The following MSH4 variants were observed in gnomAD, a reference collection of about 807,000 sequenced individuals.
MSH4 encodes the protein mutS homolog 4.
A neutral mutation model predicts 113.7 loss-of-function variants in MSH4; 106 were observed. The observed-to-expected ratio is 0.93, with a 90% CI of 0.80 to 1.10. The LOEUF (loss-of-function observed/expected upper bound fraction) is 1.10. Among genes scored for constraint, MSH4 ranks in the 50% least tolerant of loss-of-function variants. The probability of loss-of-function intolerance (pLI) is 0.00; values close to 1 mark genes in which losing one functional copy is unlikely to be tolerated. For missense variants in MSH4, 1,061 were observed against 1,093.7 expected (o/e 0.97, Z 0.42); for synonymous variants, 368 against 380.2 (o/e 0.97, Z 0.37).
intron 15 of MSH4, among the ~76,000 whole-genome samples, 167 bp downstream of exon 15, chr1:75,883,988 A>G (rs1350133336): frequency 2.0e-4 from 30 of 152,172 alleles, no homozygotes; most frequent in Non-Finnish European, 4.4e-5. Flanking sequence ...TAACTTTACT[A>G]TTTGATATTT....
intron 5 of MSH4, among the ~76,000 whole-genome samples, chr1:75,815,522 G>A (rs1650276223): frequency 6.6e-6 from 1 of 152,156 alleles, no homozygotes. Flanking sequence ...AGGTAAAGCT[G>A]TGTTCCTGTT....
intron 1 of MSH4, among the ~76,000 whole-genome samples, chr1:75,798,732 T>A (rs1008587057): frequency 6.6e-6 from 1 of 151,790 alleles, no homozygotes; most frequent in African/African-American, 2.4e-5. Flanking sequence ...ATTTAAAAAA[T>A]TTTTTTGTAG....
chr1:75,896,319 A>G (rs1350050348), intron 17 of MSH4, among the ~76,000 whole-genome samples: 2 of 149,218 alleles, frequency 1.3e-5, no homozygotes, highest in Non-Finnish European at 1.5e-5. Flanking sequence ...AGCCAATTCC[A>G]TATAATAAAT....
rs1649821076 is a variant in MSH4, at chr1:75,796,901, T to C, written c.-85T>C. 1 of 1,577,320 alleles carries C rather than the reference T, an allele frequency of 6.3e-7. No individual in the cohort carries two copies. Among genetic ancestry groups the C allele is most frequent in the East Asian group, 2.2e-5 (1 of 44,532 alleles). On this transcript the variant is annotated 5_prime_UTR_variant, in exon 1 of 20. Transcript: ENST00000263187. ...GTCGGCGCGCAGTTCTCCCGCCCGT[T>C]TCAGCGGCGCAGCTTCTGTAGTTGG...
chr1:75,801,545 G>A (rs564745845), intron 1 of MSH4, among the ~76,000 whole-genome samples: 251 of 147,946 alleles, frequency 1.7e-3, no homozygotes, highest in African/African-American at 5.9e-3. Flanking sequence ...TCTAGCCTGG[G>A]CAACAAGAGT....
At chr1:75,832,032 C>G (rs1035809409) in intron 7 of MSH4, among the ~76,000 whole-genome samples, 7 of 151,942 alleles carry the variant, frequency 4.6e-5, no homozygotes, top group African/African-American at 1.7e-4. Flanking sequence ...AATTGATAGA[C>G]CACTAGCAAG....
rs1219307777 is a variant in MSH4, at chr1:75,817,813, T to G, written c.989+1267T>G. 2.0e-5 allele frequency among the ~76,000 whole-genome samples: 3 copies of G among 151,836 alleles called. No individual in the cohort carries two copies. In the East Asian group the frequency reaches 5.8e-4, roughly 29 times the overall value. ...AGTTCTCAAAAAAAAAAAATGTACA[T>G]GTGATGGGAGACACCCCCCCTCCCC... On this transcript the variant is annotated intron_variant, in intron 6 of 19. Coordinates refer to ENST00000263187, the MANE Select transcript of MSH4 (RefSeq NM_002440.4).
chr1:75,886,591 T>A (rs1448114109), intron 15 of MSH4, among the ~76,000 whole-genome samples: 1 of 124,084 alleles, frequency 8.1e-6, no homozygotes, highest in African/African-American at 3.2e-5. Context: ...TAATATATAA[T>A]GTATTATATA....
chr1:75,814,933 C>A (rs1050158742), intron 4 of MSH4, 88 bp from the exon 5 acceptor site: 3 of 681,144 alleles, frequency 4.4e-6, no homozygotes, highest in Middle Eastern at 2.7e-4. Context: ...AATATTTAAG[C>A]CACTTACCTA....
rs181900341 is a variant in MSH4 at position 75,863,619 on chromosome 1, G to A, written c.1231-3895G>A. 6.8e-4 allele frequency among the ~76,000 whole-genome samples: 104 copies of A among 152,166 alleles called. 1 individual carries two copies. The highest frequency in any genetic ancestry group is 2.3e-3 in the African/African-American group (96 of 41,528). ...AATCTTCGCCTCACCACTCCACTGGGAGGATTATCTGTAATTTGTGTATCT... is the reference window on the plus strand; with the variant it reads ...AATCTTCGCCTCACCACTCCACTGGAAGGATTATCTGTAATTTGTGTATCT... On this transcript the variant is annotated intron_variant, in intron 8 of 19. Transcript: ENST00000263187.
rs374831215 is a variant in MSH4 at position 75,860,178 on chromosome 1, C to A, written c.1231-7336C>A. ...TGTCTTTGCATGTGTGATGGGTCTC[C>A]TGAATACAGCATGCTGATGGGTCTT... On this transcript the variant is annotated intron_variant, in intron 8 of 19. Coordinates refer to ENST00000263187, the MANE Select transcript of MSH4 (RefSeq NM_002440.4). 3.9e-5 allele frequency among the ~76,000 whole-genome samples: 6 copies of A among 152,216 alleles called. No individual in the cohort carries two copies. In the East Asian group the frequency reaches 1.2e-3, roughly 29 times the overall value.
chr1:75,901,072 G>T (rs1652495397), intron 19 of MSH4, among the ~76,000 whole-genome samples: 1 of 151,944 alleles, frequency 6.6e-6, no homozygotes. Context: ...GGCTACATGT[G>T]ATATTTTGAT....
At chr1:75,912,449 G>A (rs981125966) in intron 19 of MSH4, among the ~76,000 whole-genome samples, 1 of 151,946 alleles carries the variant, frequency 6.6e-6, no homozygotes, top group African/African-American at 2.4e-5. Flanking sequence ...GTGATTTCAA[G>A]AACATAAGAT....
intron 3 of MSH4, among the ~76,000 whole-genome samples, chr1:75,808,016 A>T (rs960962288): frequency 2.6e-5 from 4 of 152,226 alleles, no homozygotes; most frequent in Admixed American, 1.3e-4. Flanking sequence ...GTGTGTAAGC[A>T]TTGTGCATAT....
chr1:75,821,022 C>T (rs1475928058), intron 6 of MSH4, among the ~76,000 whole-genome samples: 1 of 151,900 alleles, frequency 6.6e-6, no homozygotes, highest in Non-Finnish European at 1.5e-5. Context: ...CAAGGATATC[C>T]AGGAACTGAA....
rs370614171 is a variant in MSH4 at position 75,890,830 on chromosome 1, C to A, written c.2355+6C>A. On this transcript the variant is annotated splice_donor_region_variant and intron_variant, in intron 17 of 19. Transcript: ENST00000263187. ...AATATCTACTGAGCTTAAAGGTATT[C>A]TTTTATTTTAAGTATATTGATTTTG... 2.4e-5 allele frequency: 37 copies of A among 1,537,310 alleles called. 1 individual carries two copies. Among genetic ancestry groups the A allele is most frequent in the Non-Finnish European group, 3.1e-5 (35 of 1,121,116 alleles).
At chr1:75,832,336 A>T (rs1454933465) in intron 7 of MSH4, among the ~76,000 whole-genome samples, 1 of 152,216 alleles carries the variant, frequency 6.6e-6, no homozygotes, top group Non-Finnish European at 1.5e-5. Context: ...ATGGATTCAC[A>T]GCCGAATTCT....
chr1:75,838,434 C>A (rs1650878624), intron 7 of MSH4, among the ~76,000 whole-genome samples: 1 of 152,086 alleles, frequency 6.6e-6, no homozygotes, highest in African/African-American at 2.4e-5. Context: ...TAATTTAATC[C>A]CAACTAGAAA....
chr1:75,815,154 T>C lies in MSH4; in HGVS notation c.815+18T>C. 7.4e-7 allele frequency: 1 copy of C among 1,352,728 alleles called. No individual in the cohort carries two copies. Among genetic ancestry groups the C allele is most frequent in the Non-Finnish European group, 1.0e-6 (1 of 991,260 alleles). 83.8% of individuals were successfully genotyped at this position (1,352,728 alleles called of 1,614,324 possible). ...CAGTCCAAGTAAGTTATATATTTAT[T>C]TATTTTTTTACTAGCCCACAGCTAC... On this transcript the variant is annotated intron_variant, in intron 5 of 19. Coordinates refer to ENST00000263187, the MANE Select transcript of MSH4 (RefSeq NM_002440.4).
Sources: allele counts gnomAD v4.1 joint callset (sites outside exome capture counted in the v4.1 genomes callset), GRCh38; gene constraint gnomAD v4.1.1; transcripts MANE v1.5; gene names NCBI Gene and HGNC (gene_info 2026-07-23, HGNC 2026-07-21).